Variants in IGLON5 observed in about 807,000 individuals in gnomAD.
IGLON5 encodes IgLON family member 5.
Under a neutral mutation model 38.2 loss-of-function variants are expected in IGLON5, and 16 were observed. That is an observed-to-expected ratio of 0.42 (90% CI 0.28 to 0.64). IGLON5 has a LOEUF of 0.64. IGLON5 is among the 30% of genes least tolerant of loss of function. The pLI, the probability that IGLON5 is intolerant of heterozygous loss-of-function variation, is 0.23. For missense variants in IGLON5, 366 were observed against 483.4 expected (o/e 0.76, Z 2.28); for synonymous variants, 207 against 216.4 (o/e 0.96, Z 0.38).
intron 4 of IGLON5, among the ~76,000 whole-genome samples, chr19:51,326,381 G>A (rs1307769680): frequency 2.0e-5 from 3 of 152,258 alleles, no homozygotes; most frequent in Non-Finnish European, 2.9e-5. Flanking sequence ...CCAGAACGAG[G>A]GACCCTGCCC....
intron 1 of IGLON5, among the ~76,000 whole-genome samples, chr19:51,313,639 C>CTTTT (rs775668430): frequency 4.1e-5 from 5 of 121,974 alleles, no homozygotes; most frequent in Non-Finnish European, 8.0e-5. Context: ...TTTTCTCTCT[C>CTTTT]TCTCTCTTTT....
rs1367447375 is a variant in IGLON5, at chr19:51,311,782, C to G, written c.-66C>G. The stretch of plus-strand genomic sequence containing the variant: ...TCCCCCTCCCCCTCCCCCCTCTCCC[C>G]CCAGGCCTCGCGCGCCCCGGACCGG... On this transcript the variant is annotated 5_prime_UTR_variant, in exon 1 of 8. Coordinates refer to ENST00000270642, the MANE Select transcript of IGLON5 (RefSeq NM_001101372.3). 2 of 302,526 alleles carry G rather than the reference C, an allele frequency of 6.6e-6. No individual in the cohort carries two copies. Among genetic ancestry groups the G allele is most frequent in the East Asian group, 1.1e-4 (2 of 18,352 alleles). The allele number at this position is 302,526 out of a possible 1,614,324, so 18.7% of individuals were successfully genotyped here. A position where few individuals can be genotyped will look rare whatever the true frequency, so the allele number is the denominator to read the frequency against.
rs1432223119 is a variant in IGLON5 at position 51,327,099 on chromosome 19, C to A, written c.666C>A (p.Asp222Glu). ...CGCCAGATCCTCCGACCATCACGGA[C>A]GTGACCAGCGCCCGCACCGCGCTGG... ...VTVNYPPTIT[D>E]VTSARTALGR... The change falls in exon 6 of 8, where the codon GAC (aspartate) becomes GAA (glutamate). Residue 222 changes from aspartate (D) to glutamate (E), a missense_variant. Coordinates refer to ENST00000270642, the MANE Select transcript of IGLON5 (RefSeq NM_001101372.3). The surrounding 1 kb of genome is among the most constrained non-coding windows in gnomAD (Gnocchi z 7.1). The A allele has an allele frequency of 1.2e-6, 2 of 1,610,008 alleles. No individual in the cohort carries two copies. The highest frequency in any genetic ancestry group is 1.7e-6 in the Non-Finnish European group (2 of 1,178,474).
chr19:51,315,688 C>CTTTTTTTTTTTTTTTTTTTTTT (rs756194855), intron 1 of IGLON5, among the ~76,000 whole-genome samples: 1 of 82,590 alleles, frequency 1.2e-5, no homozygotes, highest in African/African-American at 4.5e-5. Flanking sequence ...GGAAGTCAAC[C>CTTTTTTTTTTTTTTTTTTTTTT]TTTTTTTTTT....
chr19:51,312,758 C>T (rs1984799374), intron 1 of IGLON5, among the ~76,000 whole-genome samples: 1 of 152,060 alleles, frequency 6.6e-6, no homozygotes, highest in Non-Finnish European at 1.5e-5. Context: ...CCCGGCCCGG[C>T]CCGGCCCTCC....
chr19:51,316,361 A>AAG (rs1555750761), intron 1 of IGLON5, among the ~76,000 whole-genome samples: 1 of 148,072 alleles, frequency 6.8e-6, no homozygotes, highest in African/African-American at 2.6e-5. Flanking sequence ...AAAAAAAAAG[A>AAG]AAAGAAACAA....
chr19:51,323,216 C>T (rs1985120900), intron 2 of IGLON5, among the ~76,000 whole-genome samples: 1 of 148,890 alleles, frequency 6.7e-6, no homozygotes, highest in Non-Finnish European at 1.5e-5. Context: ...CTCCGGGTCT[C>T]TGTCCCCCTC....
chr19:51,312,712 C>T (rs1284136214), intron 1 of IGLON5, among the ~76,000 whole-genome samples: 5 of 117,150 alleles, frequency 4.3e-5, no homozygotes, highest in African/African-American at 1.4e-4. Context: ...GAAGGAAAGA[C>T]GGAAGGGAAG....
chr19:51,312,487 C>A (rs2123506983), intron 1 of IGLON5, among the ~76,000 whole-genome samples: 1 of 152,038 alleles, frequency 6.6e-6, no homozygotes, highest in South Asian at 2.1e-4. Context: ...GTCCCAGGGT[C>A]AGGAAAAGAG....
At chr19:51,326,923 G>T in intron 5 of IGLON5, 25 bp downstream of exon 5, 1 of 1,571,718 alleles carries the variant, frequency 6.4e-7, no homozygotes, top group Middle Eastern at 1.7e-4. Context: ...CACTGGGCAC[G>T]AAAGGGTGGC....
intron 1 of IGLON5, among the ~76,000 whole-genome samples, chr19:51,320,272 C>T (rs867231824): frequency 1.3e-5 from 2 of 152,192 alleles, no homozygotes; most frequent in South Asian, 2.1e-4. Flanking sequence ...CACCTGGCTC[C>T]GTCCTGGCCC....
At chr19:51,317,011 G>A (rs542878864) in intron 1 of IGLON5, among the ~76,000 whole-genome samples, 11 of 119,746 alleles carry the variant, frequency 9.2e-5, no homozygotes, top group Admixed American at 1.2e-4. Context: ...TCACCCTCCC[G>A]ACCCCTGCCA....
intron 1 of IGLON5, among the ~76,000 whole-genome samples, chr19:51,318,022 TG>T (rs1362038593): frequency 6.6e-6 from 1 of 152,112 alleles, no homozygotes; most frequent in Non-Finnish European, 1.5e-5. Flanking sequence ...GGCTCGACCC[TG>T]GGGGGACACA....
rs566958202 is a variant in IGLON5, at chr19:51,315,334, C to G, written c.79+3408C>G. On this transcript the variant is annotated intron_variant, in intron 1 of 7. Transcript: ENST00000270642. ...ACTGCCCCTGACAAGCTAGCTCTCC[C>G]CAGGACCTCTGAGCTCCAGGTTCAT... Among the ~76,000 whole-genome samples the G allele has an allele frequency of 2.6e-5, 4 of 152,292 alleles. No homozygotes were observed. In the South Asian group the frequency reaches 8.3e-4, roughly 32 times the overall value.
chr19:51,313,920 G>T (rs1180392489), intron 1 of IGLON5, among the ~76,000 whole-genome samples: 4 of 151,590 alleles, frequency 2.6e-5, no homozygotes, highest in Admixed American at 2.0e-4. Flanking sequence ...AGAGATGGGG[G>T]TCTCACTATA....
chr19:51,323,427 A>G (rs1269998555), intron 2 of IGLON5, among the ~76,000 whole-genome samples: 1 of 152,074 alleles, frequency 6.6e-6, no homozygotes, highest in Non-Finnish European at 1.5e-5. Flanking sequence ...TCTCTGACAC[A>G]CACGATCACT....
rs748633018 is a variant in IGLON5 at position 51,322,113 on chromosome 19, A to G, written c.129A>G (p.Thr43=). ...LEFNSPADNY[T]VCEGDNATLS... ...TCAACTCTCCTGCCGACAACTACACAGTGTGTGAAGGTGACAACGCCACCC... is the reference window on the plus strand; with the variant it reads ...TCAACTCTCCTGCCGACAACTACACGGTGTGTGAAGGTGACAACGCCACCC... Residue 43 remains threonine, a synonymous_variant, in exon 2 of 8, where the codon ACA becomes ACG. Coordinates refer to ENST00000270642, the MANE Select transcript of IGLON5 (RefSeq NM_001101372.3). 6.2e-7 allele frequency: 1 copy of G among 1,613,306 alleles called. No homozygotes were observed.
chr19:51,328,229 G>A (rs1985264715), intron 7 of IGLON5, among the ~76,000 whole-genome samples: 2 of 151,988 alleles, frequency 1.3e-5, no homozygotes, highest in African/African-American at 4.8e-5. Context: ...GGCCGGGCGT[G>A]GTGGCTCACG....
chr19:51,327,630 G>A lies in IGLON5; in HGVS notation c.768-102G>A. 6.7e-7 allele frequency: 1 copy of A among 1,486,416 alleles called. No individual in the cohort carries two copies. The highest frequency in any genetic ancestry group is 9.0e-7 in the Non-Finnish European group (1 of 1,113,660). 92.1% of individuals were successfully genotyped at this position (1,486,416 alleles called of 1,614,324 possible). On this transcript the variant is annotated intron_variant, in intron 6 of 7. Transcript: ENST00000270642. The surrounding 1 kb of genome is among the most constrained non-coding windows in gnomAD (Gnocchi z 7.1). Reference sequence around the variant, plus strand: ...CCCGAGGCGATGGGTCACTGGGGTAGGGGGCAGAATGCTGGGTCACCGGGG... The same window carrying A: ...CCCGAGGCGATGGGTCACTGGGGTAAGGGGCAGAATGCTGGGTCACCGGGG...
Sources: gnomAD v4.1 joint callset for allele counts (sites outside exome capture counted in the v4.1 genomes callset) on GRCh38, gnomAD v4.1.1 for gene constraint, Gnocchi (gnomAD v3.1) non-coding constraint, MANE v1.5 for transcripts, NCBI Gene and HGNC (gene_info 2026-07-23, HGNC 2026-07-21) for gene names.